The following DCAF11 variants were observed in gnomAD, a reference collection of about 807,000 sequenced individuals.
DCAF11 encodes the protein DDB1 and CUL4 associated factor 11, also known as DDB1- and CUL4-associated factor 11.
In DCAF11, 44 loss-of-function variants were observed where a neutral mutation model predicts 76.1. The ratio of observed to expected loss-of-function variants is 0.58; its 90% CI spans 0.45 to 0.74. The LOEUF (loss-of-function observed/expected upper bound fraction) is 0.74, where lower values mean the gene tolerates loss of function less well. DCAF11 is among the 30% of genes least tolerant of loss of function. DCAF11 has a pLI of 0.00. For missense variants in DCAF11, 604 were observed against 709.4 expected (o/e 0.85, Z 1.69); for synonymous variants, 258 against 255.0 (o/e 1.01, Z -0.11).
intron 6 of DCAF11, 49 bp downstream of exon 6, chr14:24,118,204 T>C: frequency 1.3e-6 from 2 of 1,577,602 alleles, no homozygotes; most frequent in Non-Finnish European, 1.7e-6. Flanking sequence ...ACATGGGACA[T>C]TCCCCCTGAC....
rs763028259 is a variant in DCAF11, at chr14:24,120,844, G to T, written c.1099G>T (p.Ala367Ser). The change falls in exon 12 of 15, where the codon GCC becomes TCC. Residue 367 changes from alanine (A) to serine (S), a missense_variant. Physicochemically the swap from Ala to Ser is moderately conservative, Grantham distance 99. Coordinates refer to ENST00000446197, the MANE Select transcript of DCAF11 (RefSeq NM_025230.5). The part of the protein sequence containing the change: ...GITFIDSKGD[A>S]RYLISNSKDQ... The stretch of plus-strand genomic sequence containing the variant: ...TCCACCTTTGGATTCATAGGGTGAT[G>T]CCCGGTATCTGATCTCCAACTCTAA... 2 of 1,614,204 alleles carry T rather than the reference G, an allele frequency of 1.2e-6. No homozygotes were observed. Among genetic ancestry groups the T allele is most frequent in the Admixed American group, 3.3e-5 (2 of 60,028 alleles).
chr14:24,115,573 C>T lies in DCAF11; in HGVS notation c.-22C>T. The T allele has an allele frequency of 1.2e-6, 2 of 1,604,462 alleles. No individual in the cohort carries two copies. Among genetic ancestry groups the T allele is most frequent in the Non-Finnish European group, 1.7e-6 (2 of 1,175,148 alleles). ...GACAGGAGGAGCCCCCGCACAGGACCTAAGAATGCTGTGACCAGAAGATGG... is the reference window on the plus strand; with the variant it reads ...GACAGGAGGAGCCCCCGCACAGGACTTAAGAATGCTGTGACCAGAAGATGG... On this transcript the variant is annotated 5_prime_UTR_variant, in exon 2 of 15. Transcript: ENST00000446197.
chr14:24,121,599 C>T (rs1308053465), intron 13 of DCAF11, 82 bp downstream of exon 13: 2 of 1,484,852 alleles, frequency 1.3e-6, no homozygotes, highest in East Asian at 2.4e-5. Flanking sequence ...CTAGTGACCA[C>T]CTTAAAAAGC....
rs2037525969 is a variant in DCAF11, at chr14:24,115,378, A to G, written c.-213-4A>G. 1.9e-6 allele frequency: 1 copy of G among 516,236 alleles called. No homozygotes were observed. The highest frequency in any genetic ancestry group is 3.2e-6 in the Non-Finnish European group (1 of 309,662). 32.0% of individuals were successfully genotyped at this position (516,236 alleles called of 1,614,324 possible). ...GGTTCACTCTTGCTTTCTTTGCTTCACAGGATTGGAGAAGGTTTGTGTTCC... is the reference window on the plus strand; with the variant it reads ...GGTTCACTCTTGCTTTCTTTGCTTCGCAGGATTGGAGAAGGTTTGTGTTCC... On this transcript the variant is annotated splice_region_variant and splice_polypyrimidine_tract_variant and intron_variant, in intron 1 of 14. Transcript: ENST00000446197.
chr14:24,120,774 CTAGA>C, intron 11 of DCAF11, 60 bp from the exon 12 acceptor site: 1 of 1,591,164 alleles, frequency 6.3e-7, no homozygotes, highest in Non-Finnish European at 8.6e-7. Flanking sequence ...AGAACGGGAA[CTAGA>C]CTGACAGGCG....
intron 6 of DCAF11, 92 bp downstream of exon 6, chr14:24,118,247 A>T (rs2037619592): frequency 6.4e-7 from 1 of 1,562,790 alleles, no homozygotes; most frequent in Admixed American, 1.7e-5. Context: ...GGGAGCTCAG[A>T]CCTGGCTTAA....
chr14:24,117,733 G>C lies in DCAF11; in HGVS notation c.476+1G>C. The C allele has an allele frequency of 1.9e-6, 3 of 1,614,076 alleles. No individual in the cohort carries two copies. The highest frequency in any genetic ancestry group is 2.5e-6 in the Non-Finnish European group (3 of 1,179,952). ...GAGAACAGTCTCGAGTGATATCTCA[G>C]TGAGTATGGGGCTTGGTGAAGAGAC... On this transcript the variant is annotated splice_donor_variant, in intron 5 of 14. Coordinates refer to ENST00000446197, the MANE Select transcript of DCAF11 (RefSeq NM_025230.5). LOFTEE classifies it high-confidence loss of function. This position sits in a 1 kb window ranked among gnomAD's most constrained non-coding sequence, Gnocchi z 4.3.
Position 24,119,917 on chromosome 14 carries a change from G to C in DCAF11, c.1092+21G>C, listed in dbSNP as rs377174791. 57 of 1,584,532 alleles carry C rather than the reference G, an allele frequency of 3.6e-5. No homozygotes were observed. The African/African-American group carries it at 5.8e-4, about 16-fold the overall frequency. ...GCAAGGTGGGCCAGAAGTCAGGACT[G>C]TACAGCCAGGCCGCTAAGGTTCTAG... On this transcript the variant is annotated intron_variant, in intron 11 of 14. Coordinates refer to ENST00000446197, the MANE Select transcript of DCAF11 (RefSeq NM_025230.5).
rs746839095 is a variant in DCAF11, at chr14:24,118,509, C to G, written c.699C>G (p.Phe233Leu). Residue 233 changes from phenylalanine to leucine, a missense_variant, in exon 7 of 15, where the codon TTC becomes TTG. By Grantham distance (22) the Phe-to-Leu change is conservative. Coordinates refer to ENST00000446197, the MANE Select transcript of DCAF11 (RefSeq NM_025230.5). ...DVAFTPDGNH[F>L]LYSSWSDYIH... is the part of the protein sequence containing the mutation. ...CCTTCACCCCTGATGGGAACCACTT[C>G]CTCTACTCTAGCTGGTCTGATTACA... 1 of 1,614,068 alleles carries G rather than the reference C, an allele frequency of 6.2e-7. No individual in the cohort carries two copies. Among genetic ancestry groups the G allele is most frequent in the Non-Finnish European group, 8.5e-7 (1 of 1,180,050 alleles).
At position 24,119,705 on chromosome 14, in the gene DCAF11, G is replaced by A. The variant is rs563193131; in HGVS notation, c.907-6G>A. ...GGTCTTATATCCTGGCCTCCTTTTC[G>A]CCTAGATTGAGTCCCATGAGGATGA... is the stretch of plus-strand genomic sequence containing the variant. On this transcript the variant is annotated splice_polypyrimidine_tract_variant and splice_region_variant and intron_variant, in intron 10 of 14. Transcript: ENST00000446197. 86 of 1,614,048 alleles carry A rather than the reference G, an allele frequency of 5.3e-5. 1 individual carries two copies. The South Asian group carries it at 5.8e-4, about 11-fold the overall frequency.
At position 24,123,161 on chromosome 14, in the gene DCAF11, C is replaced by T. The variant is rs201526997; in HGVS notation, c.1507-14C>T. On this transcript the variant is annotated splice_polypyrimidine_tract_variant and intron_variant, in intron 14 of 14. Transcript: ENST00000446197. The stretch of plus-strand genomic sequence containing the variant: ...GCAGCACATCCTGACTGCTTGCCAC[C>T]CTCTGCCCTGCAGTGGGACGGGAAC... The T allele has an allele frequency of 6.7e-4, 1,087 of 1,613,746 alleles. 3 individuals are homozygous for T. The highest frequency in any genetic ancestry group is 8.3e-4 in the Non-Finnish European group (981 of 1,179,748).
In DCAF11 at chr14:24,120,899, G is replaced by A. The variant is rs1254278415; in HGVS notation, c.1154G>A (p.Arg385Gln). 3.7e-6 allele frequency: 6 copies of A among 1,614,068 alleles called. No homozygotes were observed. The highest frequency in any genetic ancestry group is 1.1e-5 in the South Asian group (1 of 91,084). Residue 385 changes from arginine (R) to glutamine (Q), a missense_variant, in exon 12 of 15, where the codon CGA (arginine) becomes CAA (glutamine). Physicochemically the swap from Arg to Gln is conservative, Grantham distance 43. Transcript: ENST00000446197. ...KDQTIKLWDI[R>Q]RFSSREGMEA... ...CAGACCATCAAACTCTGGGATATCC[G>A]ACGCTTTTCCAGCCGGGAAGGCATG...
rs2037729492 is a variant in DCAF11, at chr14:24,123,392, T to G, written c.*83T>G. 1 of 1,485,420 alleles carries G rather than the reference T, an allele frequency of 6.7e-7. No individual in the cohort carries two copies. The highest frequency in any genetic ancestry group is 1.4e-5 in the South Asian group (1 of 69,186). The allele number at this position is 1,485,420 out of a possible 1,614,324, so 92.0% of individuals were successfully genotyped here. A position where few individuals can be genotyped will look rare whatever the true frequency, so the allele number is the denominator to read the frequency against. The stretch of plus-strand genomic sequence containing the variant: ...CCCTTTCTCCCTTGTGGGGAATGTT[T>G]GGAGGAATCACTGGCATTTGATGGG... On this transcript the variant is annotated 3_prime_UTR_variant, in exon 15 of 15. Coordinates refer to ENST00000446197, the MANE Select transcript of DCAF11 (RefSeq NM_025230.5).
intron 9 of DCAF11, 59 bp from the exon 10 acceptor site, chr14:24,119,499 AT>A (rs2037649066): frequency 6.3e-7 from 1 of 1,594,128 alleles, no homozygotes. Flanking sequence ...TCTAGAGCAT[AT>A]ACCACGTTGG....
chr14:24,115,373 G>C lies in DCAF11; in HGVS notation c.-213-9G>C. 1 of 502,712 alleles carries C rather than the reference G, an allele frequency of 2.0e-6. No homozygotes were observed. The highest frequency in any genetic ancestry group is 3.3e-6 in the Non-Finnish European group (1 of 299,890). The allele number at this position is 502,712 out of a possible 1,614,324, so 31.1% of individuals were successfully genotyped here. On this transcript the variant is annotated splice_polypyrimidine_tract_variant and intron_variant, in intron 1 of 14. Coordinates refer to ENST00000446197, the MANE Select transcript of DCAF11 (RefSeq NM_025230.5). ...ACTACGGTTCACTCTTGCTTTCTTT[G>C]CTTCACAGGATTGGAGAAGGTTTGT... is the stretch of plus-strand genomic sequence containing the variant.
chr14:24,121,441 C>T lies in DCAF11; in HGVS notation c.1323C>T (p.Ile441=), dbSNP rs1250095690. The T allele has an allele frequency of 3.1e-6, 5 of 1,614,218 alleles. No homozygotes were observed. The highest frequency in any genetic ancestry group is 4.2e-6 in the Non-Finnish European group (5 of 1,180,046). ...YRGHGVLHTL[I]RCRFSPIHST... ...GCCACGGAGTGCTGCACACCCTCAT[C>T]CGCTGCCGGTTCTCCCCCATTCATA... The change falls in exon 13 of 15, where the codon ATC becomes ATT. Residue 441 remains isoleucine, a synonymous_variant. Transcript: ENST00000446197.
In DCAF11 at chr14:24,119,229, G is replaced by C; in HGVS notation, c.848+16G>C. On this transcript the variant is annotated intron_variant, in intron 9 of 14. Coordinates refer to ENST00000446197, the MANE Select transcript of DCAF11 (RefSeq NM_025230.5). ...TACTAGGAGGGTAAGTGCTTGTGGG[G>C]TATGTTTCCCTCAATAACAAGATGG... 1 of 1,614,072 alleles carries C rather than the reference G, an allele frequency of 6.2e-7. No homozygotes were observed. Among genetic ancestry groups the C allele is most frequent in the Non-Finnish European group, 8.5e-7 (1 of 1,179,962 alleles).
rs1002182016 is a variant in DCAF11 at position 24,115,003 on chromosome 14, A to G, written c.-504A>G. 6.1e-6 allele frequency: 6 copies of G among 985,938 alleles called. No homozygotes were observed. The highest frequency in any genetic ancestry group is 7.2e-6 in the Non-Finnish European group (6 of 829,968). 61.1% of individuals were successfully genotyped at this position (985,938 alleles called of 1,614,324 possible). On this transcript the variant is annotated 5_prime_UTR_variant, in exon 1 of 15. Coordinates refer to ENST00000446197, the MANE Select transcript of DCAF11 (RefSeq NM_025230.5). ...CGGCTTCCTCCCCCTCATGGCGTAC[A>G]CACCCCCGGCGCACCACGTGGGCGT...
chr14:24,118,555 C>T (rs1402982845), intron 7 of DCAF11, 21 bp downstream of exon 7: 4 of 1,609,804 alleles, frequency 2.5e-6, no homozygotes, highest in Admixed American at 1.7e-5. Context: ...ACCAGGCTTC[C>T]ACTGACTCTC....
Sources: allele counts gnomAD v4.1 joint callset, GRCh38; gene constraint gnomAD v4.1.1; non-coding constraint Gnocchi (gnomAD v3.1); transcripts MANE v1.5; gene names NCBI Gene and HGNC (gene_info 2026-07-23, HGNC 2026-07-21).